The following RIPOR2 variants were observed in gnomAD, a reference collection of about 807,000 sequenced individuals.
RIPOR2 encodes RHO family interacting cell polarization regulator 2, also known as rho family-interacting cell polarization regulator 2.
Under a neutral mutation model 114.5 loss-of-function variants are expected in RIPOR2, and 39 were observed. The ratio of observed to expected loss-of-function variants is 0.34; its 90% CI spans 0.26 to 0.44. RIPOR2 has a LOEUF of 0.44. Ranked by LOEUF, RIPOR2 falls within the 20% of genes least tolerant of loss-of-function variation. RIPOR2 has a pLI of 1.00. For synonymous variants in RIPOR2, 445 were observed against 484.4 expected (o/e 0.92, Z 1.07); for missense variants, 1,007 against 1,255.1 (o/e 0.80, Z 2.99).
At chr6:24,991,087 T>G (rs754297784) in intron 1 of RIPOR2, among the ~76,000 whole-genome samples, 5 of 152,178 alleles carry the variant, frequency 3.3e-5, no homozygotes, top group Non-Finnish European at 5.9e-5. Context: ...CAGGCATACA[T>G]GGCCCTGTTC....
intron 1 of RIPOR2, among the ~76,000 whole-genome samples, chr6:24,886,623 G>A (rs9295635): frequency 0.19 from 28,619 of 152,124 alleles, 3,198 homozygotes; most frequent in East Asian, 0.32. Flanking sequence ...TTGTGATAAA[G>A]AGTCAGACTA....
At chr6:24,833,970 A>G (rs1739563612) in intron 15 of RIPOR2, among the ~76,000 whole-genome samples, 1 of 152,196 alleles carries the variant, frequency 6.6e-6, no homozygotes, top group South Asian at 2.1e-4. Context: ...AAGAGAAACA[A>G]GTGGTTTGCT....
chr6:24,955,609 T>C (rs532099796), intron 1 of RIPOR2, among the ~76,000 whole-genome samples: 16 of 151,972 alleles, frequency 1.1e-4, no homozygotes, highest in African/African-American at 3.9e-4. Flanking sequence ...TTTCTTCTCT[T>C]CCGCTTTTAA....
intron 1 of RIPOR2, among the ~76,000 whole-genome samples, chr6:24,977,300 A>G (rs1449774873): frequency 6.6e-6 from 1 of 152,210 alleles, no homozygotes; most frequent in Non-Finnish European, 1.5e-5. Context: ...TGGTAGGGTT[A>G]CCAATGTTTT....
intron 19 of RIPOR2, among the ~76,000 whole-genome samples, chr6:24,823,557 C>T (rs1759886042): frequency 6.6e-6 from 1 of 152,074 alleles, no homozygotes; most frequent in Non-Finnish European, 1.5e-5. Flanking sequence ...CTACAGTGTC[C>T]ACAAAACCCT....
chr6:24,923,800 A>T (rs1364522641), intron 1 of RIPOR2, among the ~76,000 whole-genome samples: 1 of 152,178 alleles, frequency 6.6e-6, no homozygotes, highest in East Asian at 1.9e-4. Flanking sequence ...GAGAGCCGAG[A>T]TAGCACTACC....
chr6:25,006,944 A>G (rs1775582838), intron 1 of RIPOR2, among the ~76,000 whole-genome samples: 1 of 152,118 alleles, frequency 6.6e-6, no homozygotes, highest in African/African-American at 2.4e-5. Flanking sequence ...GCCTGCTGGG[A>G]CCCTGTGGCT....
chr6:24,828,108 C>T, intron 18 of RIPOR2, 29 bp downstream of exon 18: 1 of 1,519,446 alleles, frequency 6.6e-7, no homozygotes, highest in Non-Finnish European at 8.9e-7. Flanking sequence ...TGAGCCACCA[C>T]TACAATGTGA....
rs746238109 is a variant in RIPOR2, at chr6:24,835,827, G to A, written c.2084C>T (p.Ala695Val). 1.4e-5 allele frequency: 21 copies of A among 1,551,382 alleles called. No homozygotes were observed. The highest frequency in any genetic ancestry group is 7.3e-5 in the East Asian group (3 of 40,920). ...HPEARGHLSE[A>V]LTEDTGVGTS... ...CCCAACTCCTGTGTCTTCAGTGAGC[G>A]CTTCACTGAGATGCCCCCTGGCTTC... Residue 695 changes from alanine to valine, a missense_variant, in exon 15 of 22, where the codon GCG (alanine) becomes GTG (valine). Ala to Val is a moderately conservative substitution (Grantham distance 64). Transcript: ENST00000643898.
At chr6:24,971,440 C>T (rs1002843471) in intron 1 of RIPOR2, among the ~76,000 whole-genome samples, 4 of 152,236 alleles carry the variant, frequency 2.6e-5, no homozygotes, top group Non-Finnish European at 5.9e-5. Context: ...GCCAACCTGG[C>T]AGGAGTGCTC....
At chr6:24,965,239 G>T (rs894749553) in intron 1 of RIPOR2, among the ~76,000 whole-genome samples, 1 of 152,040 alleles carries the variant, frequency 6.6e-6, no homozygotes, top group Admixed American at 6.6e-5. Flanking sequence ...CCAAGCTCAA[G>T]AGATCCTCCC....
chr6:24,886,090 G>A (rs534186558), intron 1 of RIPOR2, among the ~76,000 whole-genome samples: 21 of 152,160 alleles, frequency 1.4e-4, no homozygotes, highest in African/African-American at 1.9e-4. Context: ...AGATTCATTC[G>A]TCGACATCTG....
intron 15 of RIPOR2, among the ~76,000 whole-genome samples, chr6:24,833,056 G>A (rs1760808736): frequency 1.3e-5 from 2 of 152,180 alleles, no homozygotes; most frequent in African/African-American, 4.8e-5. Context: ...GTTTATTTGT[G>A]TGCAGTTCAC....
At chr6:24,964,147 CTGTGTGTGTGTGTGTGTG>C (rs70974955) in intron 1 of RIPOR2, among the ~76,000 whole-genome samples, 2 of 146,604 alleles carry the variant, frequency 1.4e-5, no homozygotes, top group Non-Finnish European at 3.0e-5. Flanking sequence ...GACATTGGCT[CTGTGTGTGTGTGTGTGTG>C]TGTGTGTGTG....
intron 1 of RIPOR2, among the ~76,000 whole-genome samples, chr6:24,972,438 G>C (rs1773827486): frequency 6.6e-6 from 1 of 152,220 alleles, no homozygotes; most frequent in Non-Finnish European, 1.5e-5. Context: ...GGACCATTCA[G>C]AGGAGGCTGG....
intron 9 of RIPOR2, among the ~76,000 whole-genome samples, chr6:24,851,559 T>C (rs9393592): frequency 0.38 from 58,444 of 152,036 alleles, 13,067 homozygotes; most frequent in Non-Finnish European, 0.51. Context: ...TGCTAAGAGG[T>C]ATGAGTATAG....
chr6:24,927,215 CCACTACCACCAG>C (rs1561782782), intron 1 of RIPOR2, among the ~76,000 whole-genome samples: 180 of 688 alleles, frequency 0.26, 78 homozygotes, highest in Admixed American at 0.47. Context: ...ACCACCACCA[CCACTACCACCAG>C]CACCACCACA....
chr6:24,946,184 G>A (rs944197441), intron 1 of RIPOR2, among the ~76,000 whole-genome samples: 3 of 151,962 alleles, frequency 2.0e-5, no homozygotes, highest in East Asian at 1.9e-4. Context: ...CTGGGTTCAA[G>A]CAATTCTCTT....
intron 1 of RIPOR2, among the ~76,000 whole-genome samples, chr6:24,967,332 G>T (rs917111940): frequency 6.6e-6 from 1 of 152,226 alleles, no homozygotes; most frequent in Non-Finnish European, 1.5e-5. Flanking sequence ...GTTGGGGGAA[G>T]TTTGGTCCAA....
Sources: gnomAD v4.1 joint callset for allele counts (sites outside exome capture counted in the v4.1 genomes callset) on GRCh38, gnomAD v4.1.1 for gene constraint, MANE v1.5 for transcripts, NCBI Gene and HGNC (gene_info 2026-07-23, HGNC 2026-07-21) for gene names.